The following HOPX variants were observed in gnomAD, a reference collection of about 807,000 sequenced individuals.
HOPX encodes the protein homeodomain-only protein.
In HOPX, 5 loss-of-function variants were observed where a neutral mutation model predicts 11.8. That is an observed-to-expected ratio of 0.43 (90% confidence interval 0.22 to 0.89). HOPX has a LOEUF of 0.89. Among genes scored for constraint, HOPX ranks in the 40% least tolerant of loss-of-function variants. The probability of loss-of-function intolerance (pLI) is 0.28; values close to 1 mark genes in which losing one functional copy is unlikely to be tolerated. For synonymous variants in HOPX, 49 were observed against 49.7 expected (o/e 0.99, Z 0.06); for missense variants, 119 against 120.0 (o/e 0.99, Z 0.04).
At chr4:56,674,419 T>A (rs896955808) in intron 1 of HOPX, among the ~76,000 whole-genome samples, 5 of 151,616 alleles carry the variant, frequency 3.3e-5, no homozygotes, top group African/African-American at 1.2e-4. Flanking sequence ...TGAAAATACA[T>A]CAACAACGAC....
chr4:56,648,740 A>T lies in HOPX; in HGVS notation c.256T>A (p.Cys86Ser). ...TCTCCTTAGTCTGTGACGGATCTGC[A>T]CTCTGAGGGCAGGCCTTCTGAGCGC... ...WRRSEGLPSE[C>S]RSVTD Residue 86 changes from cysteine to serine, a missense_variant, in exon 4 of 4, where the codon TGC becomes AGC. Cys to Ser is a moderately radical substitution (Grantham distance 112). Coordinates refer to ENST00000420433, the MANE Select transcript of HOPX (RefSeq NM_032495.6). The T allele has an allele frequency of 6.2e-7, 1 of 1,610,526 alleles. No individual in the cohort carries two copies. The highest frequency in any genetic ancestry group is 8.5e-7 in the Non-Finnish European group (1 of 1,177,048).
At chr4:56,672,028 A>G (rs760903484) in intron 1 of HOPX, among the ~76,000 whole-genome samples, 4 of 152,060 alleles carry the variant, frequency 2.6e-5, no homozygotes, top group Admixed American at 1.3e-4. Flanking sequence ...TACCATTATT[A>G]AGGTTCTAAT....
At chr4:56,655,809 TCAGCCCA>T in intron 3 of HOPX, 41 bp downstream of exon 3, 1 of 496,778 alleles carries the variant, frequency 2.0e-6, no homozygotes, top group Non-Finnish European at 2.9e-6. Flanking sequence ...GCGAGAAGGC[TCAGCCCA>T]GGCAGGGGTC....
intron 1 of HOPX, chr4:56,679,489 T>C (rs1022370063): frequency 1.3e-5 from 2 of 151,798 alleles, no homozygotes; most frequent in African/African-American, 4.8e-5. Context: ...TTTTTTTTTT[T>C]TTTCTTAAGA....
rs1718928439 is a variant in HOPX, at chr4:56,674,917, A to C, written c.-84+6338T>G. 2.8e-4 allele frequency among the ~76,000 whole-genome samples: 3 copies of C among 10,886 alleles called. No individual in the cohort carries two copies. In the East Asian group the frequency reaches 8.1e-3, roughly 29 times the overall value. 7.1% of individuals were successfully genotyped at this position (10,886 alleles called of 152,430 possible). ...TGTGTGCCACTATGTCTGGCTAACT[A>C]AAAAAAAAAAAAAAAAAAATGTAGA... is the stretch of plus-strand genomic sequence containing the variant. On this transcript the variant is annotated intron_variant, in intron 1 of 3. Coordinates refer to ENST00000420433, the MANE Select transcript of HOPX (RefSeq NM_032495.6).
chr4:56,649,605 T>A (rs1379416569), intron 3 of HOPX: 1 of 152,228 alleles, frequency 6.6e-6, no homozygotes, highest in Non-Finnish European at 1.5e-5. Flanking sequence ...CTCAGCTCCG[T>A]ATGACTCAAA....
chr4:56,666,020 T>C (rs1347118383), intron 1 of HOPX, among the ~76,000 whole-genome samples: 1 of 152,192 alleles, frequency 6.6e-6, no homozygotes, highest in Non-Finnish European at 1.5e-5. Flanking sequence ...GCCCGGTGTC[T>C]GCTCTGGCTC....
chr4:56,650,716 C>T (rs1275529166), intron 3 of HOPX: 14 of 1,551,694 alleles, frequency 9.0e-6, no homozygotes, highest in Middle Eastern at 1.7e-4. Context: ...GAAAAGTAAT[C>T]GAAAGCCAAG....
At chr4:56,678,167 C>T (rs183846604) in intron 1 of HOPX, among the ~76,000 whole-genome samples, 3 of 151,576 alleles carry the variant, frequency 2.0e-5, no homozygotes, top group Admixed American at 2.0e-4. Flanking sequence ...CAGAAGCAGC[C>T]TCTTTCTTTA....
chr4:56,661,640 AGTT>A (rs917251511), intron 1 of HOPX, among the ~76,000 whole-genome samples: 48 of 152,214 alleles, frequency 3.2e-4, no homozygotes, highest in African/African-American at 9.9e-4. Context: ...TTTTTGCCAA[AGTT>A]GTTGTGTGTT....
intron 2 of HOPX, among the ~76,000 whole-genome samples, chr4:56,656,921 C>A (rs988726337): frequency 3.9e-5 from 6 of 152,170 alleles, no homozygotes; most frequent in African/African-American, 1.2e-4. Context: ...GAGCCACAAT[C>A]CAACTGAGGA....
chr4:56,657,772 T>C lies in HOPX; in HGVS notation c.42+3A>G, dbSNP rs1717854776. On this transcript the variant is annotated splice_donor_region_variant and intron_variant, in intron 2 of 3. Coordinates refer to ENST00000420433, the MANE Select transcript of HOPX (RefSeq NM_032495.6). ...CAGAGCTGGGAAGAACCTTGGAAAT[T>C]ACCTCTTCCAGTCTTCTTCTGTAAC... 6.1e-6 allele frequency: 7 copies of C among 1,148,886 alleles called. No homozygotes were observed. The highest frequency in any genetic ancestry group is 9.0e-6 in the Non-Finnish European group (7 of 778,784). 71.2% of individuals were successfully genotyped at this position (1,148,886 alleles called of 1,614,324 possible).
chr4:56,660,853 A>G (rs894996827), intron 1 of HOPX, among the ~76,000 whole-genome samples: 19 of 152,200 alleles, frequency 1.2e-4, no homozygotes, highest in Admixed American at 4.6e-4. Context: ...AAGACTATGG[A>G]AGCTACCTGT....
intron 1 of HOPX, among the ~76,000 whole-genome samples, chr4:56,667,815 A>G (rs1416809181): frequency 6.6e-6 from 1 of 152,180 alleles, no homozygotes; most frequent in Non-Finnish European, 1.5e-5. Flanking sequence ...CAACAGGAGC[A>G]TTTTTACTAT....
At position 56,664,642 on chromosome 4, in the gene HOPX, A is replaced by G. The variant is rs1318774170; in HGVS notation, c.-83-6743T>C. 4 of 152,314 alleles carry G rather than the reference A, an allele frequency of 2.6e-5. No individual in the cohort carries two copies. In the East Asian group the frequency reaches 7.7e-4, roughly 29 times the overall value. 9.4% of individuals were successfully genotyped at this position (152,314 alleles called of 1,614,324 possible). ...GCTTTATCATAACATGTATCCCTACATGGCACTTCTCAAGAATGGCATGGC... is the reference window on the plus strand; with the variant it reads ...GCTTTATCATAACATGTATCCCTACGTGGCACTTCTCAAGAATGGCATGGC... On this transcript the variant is annotated intron_variant, in intron 1 of 3. Coordinates refer to ENST00000420433, the MANE Select transcript of HOPX (RefSeq NM_032495.6).
At position 56,648,700 on chromosome 4, in the gene HOPX, T is replaced by C. The variant is rs1716880410; in HGVS notation, c.*20A>G. 1 of 1,559,418 alleles carries C rather than the reference T, an allele frequency of 6.4e-7. No individual in the cohort carries two copies. Among genetic ancestry groups the C allele is most frequent in the Non-Finnish European group, 8.8e-7 (1 of 1,136,144 alleles). Reference sequence around the variant, plus strand: ...AGAGATGGCCTTCATGGAGTGAAGCTGTCAATGCCTGCCATCTCCTTAGTC... The same window carrying C: ...AGAGATGGCCTTCATGGAGTGAAGCCGTCAATGCCTGCCATCTCCTTAGTC... On this transcript the variant is annotated 3_prime_UTR_variant, in exon 4 of 4. Coordinates refer to ENST00000420433, the MANE Select transcript of HOPX (RefSeq NM_032495.6).
Position 56,655,853 on chromosome 4 carries a change from G to T in HOPX, c.198+4C>A. The T allele has an allele frequency of 1.2e-6, 2 of 1,610,006 alleles. No individual in the cohort carries two copies. The highest frequency in any genetic ancestry group is 8.5e-7 in the Non-Finnish European group (1 of 1,178,282). ...GGGCGCGCTGGGCGCGTGTGGGGAC[G>T]CACCTGGGTCTCCTCCTCGGAAAGG... On this transcript the variant is annotated splice_donor_region_variant and intron_variant, in intron 3 of 3. Transcript: ENST00000420433.
At chr4:56,662,178 T>TA (rs1471044581) in intron 1 of HOPX, among the ~76,000 whole-genome samples, 3 of 152,242 alleles carry the variant, frequency 2.0e-5, no homozygotes, top group African/African-American at 7.2e-5. Flanking sequence ...GCTGTGGGTT[T>TA]AAAATAGGAT....
intron 3 of HOPX, among the ~76,000 whole-genome samples, chr4:56,654,484 A>G (rs1717489769): frequency 6.6e-6 from 1 of 152,218 alleles, no homozygotes; most frequent in Non-Finnish European, 1.5e-5. Flanking sequence ...TTCAAATGAT[A>G]AAATTTCAGC....
Sources: allele counts gnomAD v4.1 joint callset (sites outside exome capture counted in the v4.1 genomes callset), GRCh38; gene constraint gnomAD v4.1.1; transcripts MANE v1.5; gene names NCBI Gene and HGNC (gene_info 2026-07-23, HGNC 2026-07-21).